Variants in SPECC1L observed in about 807,000 individuals in gnomAD.
SPECC1L encodes sperm antigen with calponin homology and coiled-coil domains 1 like.
SPECC1L carries 40 observed loss-of-function variants against 116.8 expected under a neutral mutation model. The ratio of observed to expected loss-of-function variants is 0.34; its 90% CI spans 0.27 to 0.45. SPECC1L has a LOEUF of 0.45. SPECC1L is among the 20% of genes least tolerant of loss of function. The pLI is 1.00. For missense variants in SPECC1L, 1,110 were observed against 1,373.6 expected (o/e 0.81, Z 3.03); for synonymous variants, 504 against 500.6 (o/e 1.01, Z -0.09).
intron 12 of SPECC1L, among the ~76,000 whole-genome samples, chr22:24,365,094 A>G (rs975722485): frequency 6.6e-6 from 1 of 151,946 alleles, no homozygotes; most frequent in Non-Finnish European, 1.5e-5. Flanking sequence ...TGCAACCTCC[A>G]CCACCCGGGT....
At chr22:24,336,976 G>A (rs960701435) in intron 9 of SPECC1L, among the ~76,000 whole-genome samples, 6 of 152,196 alleles carry the variant, frequency 3.9e-5, no homozygotes, top group African/African-American at 1.4e-4. Context: ...TTGCCTAACT[G>A]TAGGCTAATG....
chr22:24,290,500 A>T (rs2049137564), intron 2 of SPECC1L, among the ~76,000 whole-genome samples: 1 of 152,246 alleles, frequency 6.6e-6, no homozygotes, highest in African/African-American at 2.4e-5. Context: ...TCTTATAAAA[A>T]CAAGCATTTA....
chr22:24,361,861 GGAAGGAGGA>G (rs987805135), intron 11 of SPECC1L, among the ~76,000 whole-genome samples: 21 of 150,850 alleles, frequency 1.4e-4, no homozygotes, highest in Non-Finnish European at 2.5e-4. Context: ...AAGAGGAAGA[GGAAGGAGGA>G]GAAGGAGGAG....
At chr22:24,360,496 G>A (rs1258973606) in intron 11 of SPECC1L, among the ~76,000 whole-genome samples, 1 of 152,172 alleles carries the variant, frequency 6.6e-6, no homozygotes, top group Non-Finnish European at 1.5e-5. Flanking sequence ...CCTTAACCAT[G>A]CAGTAAGAAA....
In SPECC1L at chr22:24,275,193, G is replaced by GT. The variant is rs537066104; in HGVS notation, c.-141-1506dup. Among the ~76,000 whole-genome samples, 258 of 152,318 alleles carry GT rather than the reference G, an allele frequency of 1.7e-3. 1 individual carries two copies. Among genetic ancestry groups the GT allele is most frequent in the Middle Eastern group, 6.8e-3 (2 of 294 alleles). ...GCGGCCTCCACTGGACAATGAGACC[G>GT]TAAGTGTGTGGCTTGACAGAAAGTT... On this transcript the variant is annotated intron_variant, in intron 1 of 16. Transcript: ENST00000314328.
chr22:24,324,205 G>A lies in SPECC1L; in HGVS notation c.1939-15G>A, dbSNP rs1214045654. Reference sequence around the variant, plus strand: ...CTCTTAACTTTTCTAAATCTGCATCGTCAATTTTACGTAGGTAGAGGATGA... The same window carrying A: ...CTCTTAACTTTTCTAAATCTGCATCATCAATTTTACGTAGGTAGAGGATGA... On this transcript the variant is annotated splice_polypyrimidine_tract_variant and intron_variant, in intron 5 of 16. Transcript: ENST00000314328. The A allele has an allele frequency of 6.8e-6, 11 of 1,608,966 alleles. No individual in the cohort carries two copies. In the Admixed American group the frequency reaches 1.3e-4, roughly 20 times the overall value.
intron 14 of SPECC1L, among the ~76,000 whole-genome samples, chr22:24,369,650 TAAAAG>T: frequency 6.6e-6 from 1 of 152,192 alleles, no homozygotes; most frequent in East Asian, 1.9e-4. Flanking sequence ...TGTGAGCTGA[TAAAAG>T]AAGAAATGAT....
intron 14 of SPECC1L, among the ~76,000 whole-genome samples, chr22:24,376,512 G>A (rs1158436464): frequency 6.6e-6 from 1 of 152,070 alleles, no homozygotes; most frequent in Non-Finnish European, 1.5e-5. Context: ...TAACCAAGGA[G>A]GCACAAGTCT....
Position 24,285,931 on chromosome 22 carries a change from C to T in SPECC1L, c.-38+9128C>T, listed in dbSNP as rs185960048. 6.6e-5 allele frequency among the ~76,000 whole-genome samples: 10 copies of T among 152,344 alleles called. No individual in the cohort carries two copies. The East Asian group carries it at 1.4e-3, about 21-fold the overall frequency. On this transcript the variant is annotated intron_variant, in intron 2 of 16. Transcript: ENST00000314328. ...CTGGGATTACAGGCGTGAGCTACCG[C>T]GCCTGGCGCGCTGTTCTTTTTTGAA...
intron 14 of SPECC1L, among the ~76,000 whole-genome samples, chr22:24,400,499 T>C (rs529446118): frequency 6.6e-6 from 1 of 152,262 alleles, no homozygotes; most frequent in Non-Finnish European, 1.5e-5. Flanking sequence ...TTTCCACCTT[T>C]TGGCTTTTTT....
chr22:24,325,046 T>G (rs1156733057), intron 6 of SPECC1L, among the ~76,000 whole-genome samples: 1 of 152,240 alleles, frequency 6.6e-6, no homozygotes, highest in African/African-American at 2.4e-5. Flanking sequence ...CCCAGAGTTG[T>G]TCAGAACAAA....
At chr22:24,288,688 T>C (rs553789565) in intron 2 of SPECC1L, among the ~76,000 whole-genome samples, 13 of 139,200 alleles carry the variant, frequency 9.3e-5, no homozygotes, top group African/African-American at 3.5e-4. Context: ...TGCAATGGCG[T>C]GATCTTGGCT....
At chr22:24,391,545 C>T (rs2042274196) in intron 14 of SPECC1L, among the ~76,000 whole-genome samples, 1 of 152,138 alleles carries the variant, frequency 6.6e-6, no homozygotes, top group African/African-American at 2.4e-5. Context: ...GAGTGGAGGC[C>T]TTGTATACAG....
Position 24,367,803 on chromosome 22 carries a change from C to T in SPECC1L, c.2985-1415C>T, listed in dbSNP as rs1405945634. Among the ~76,000 whole-genome samples the T allele has an allele frequency of 3.3e-5, 5 of 152,294 alleles. No homozygotes were observed. The East Asian group carries it at 9.6e-4, about 29-fold the overall frequency. On this transcript the variant is annotated intron_variant, in intron 13 of 16. Transcript: ENST00000314328. Reference sequence around the variant, plus strand: ...AAATATACTGAGGAATACTAAGCTGCTTGTAACATACGAACCTTTAGGATA... The same window carrying T: ...AAATATACTGAGGAATACTAAGCTGTTTGTAACATACGAACCTTTAGGATA...
Position 24,415,259 on chromosome 22 carries a change from A to T in SPECC1L, c.*636A>T, listed in dbSNP as rs2042780236. The T allele has an allele frequency of 1.9e-5, 3 of 154,980 alleles. No homozygotes were observed. The highest frequency in any genetic ancestry group is 1.9e-4 in the Admixed American group (3 of 15,962). The allele number at this position is 154,980 out of a possible 1,614,324, so 9.6% of individuals were successfully genotyped here. A position where few individuals can be genotyped will look rare whatever the true frequency, so the allele number is the denominator to read the frequency against. On this transcript the variant is annotated 3_prime_UTR_variant, in exon 17 of 17. Transcript: ENST00000314328. Reference sequence around the variant, plus strand: ...CTAGAGGGCGTGGTGCGGGCACGCCAGGGCTGGGGTGCTGCTGCTGCACTC... The same window carrying T: ...CTAGAGGGCGTGGTGCGGGCACGCCTGGGCTGGGGTGCTGCTGCTGCACTC...
chr22:24,288,381 A>C (rs2049086644), intron 2 of SPECC1L, among the ~76,000 whole-genome samples: 1 of 152,068 alleles, frequency 6.6e-6, no homozygotes, highest in Non-Finnish European at 1.5e-5. Context: ...TGTGTACAGG[A>C]AGTGCCAAAT....
intron 14 of SPECC1L, among the ~76,000 whole-genome samples, chr22:24,370,266 A>G (rs370416486): frequency 1.2e-4 from 19 of 152,266 alleles, no homozygotes; most frequent in African/African-American, 4.3e-4. Flanking sequence ...AGCCAAGCAT[A>G]TTGCAGTGGA....
intron 14 of SPECC1L, among the ~76,000 whole-genome samples, chr22:24,385,023 A>G (rs1384927998): frequency 6.6e-6 from 1 of 151,474 alleles, no homozygotes; most frequent in Non-Finnish European, 1.5e-5. Flanking sequence ...AGATCGCGCC[A>G]CTGAACTCCA....
At chr22:24,281,157 T>C (rs2048935873) in intron 2 of SPECC1L, among the ~76,000 whole-genome samples, 1 of 152,202 alleles carries the variant, frequency 6.6e-6, no homozygotes, top group Non-Finnish European at 1.5e-5. Context: ...TTATATGTGT[T>C]CCTGGAAGCA....
Sources: gnomAD v4.1 joint callset for allele counts (sites outside exome capture counted in the v4.1 genomes callset) on GRCh38, gnomAD v4.1.1 for gene constraint, MANE v1.5 for transcripts, NCBI Gene and HGNC (gene_info 2026-07-23, HGNC 2026-07-21) for gene names.